TPRG1: variants seen among roughly 807,000 people sequenced by gnomAD.
The protein encoded by TPRG1 is tumor protein p63 regulated 1.
Under a neutral mutation model 29.3 loss-of-function variants are expected in TPRG1, and 29 were observed. The observed-to-expected ratio is 0.99, with a 90% CI of 0.74 to 1.35. The LOEUF is 1.35. Among genes scored for constraint, TPRG1 ranks in the 40% most tolerant of loss-of-function variants. The pLI is 0.00. For missense variants in TPRG1, 327 were observed against 335.0 expected (o/e 0.98, Z 0.19); for synonymous variants, 130 against 116.8 (o/e 1.11, Z -0.73).
At chr3:189,140,601 C>T (rs1033387563) in intron 3 of TPRG1, among the ~76,000 whole-genome samples, 10 of 152,188 alleles carry the variant, frequency 6.6e-5, no homozygotes, top group African/African-American at 2.4e-4. Flanking sequence ...GAAGGCCAGT[C>T]TCTTCTAAGG....
At chr3:189,226,022 C>T (rs1310181779) in intron 3 of TPRG1, among the ~76,000 whole-genome samples, 2 of 151,886 alleles carry the variant, frequency 1.3e-5, no homozygotes, top group Non-Finnish European at 2.9e-5. Context: ...ACTGATAGAA[C>T]AGAAATGAGA....
chr3:189,178,393 G>A (rs578254813), intron 1 of TPRG1, among the ~76,000 whole-genome samples: 2 of 152,270 alleles, frequency 1.3e-5, no homozygotes, highest in South Asian at 4.1e-4. Flanking sequence ...GCTAGGCATG[G>A]TGATGCGCAT....
chr3:189,322,762 A>G lies in TPRG1; in HGVS notation c.*1942A>G, dbSNP rs1426434538. On this transcript the variant is annotated 3_prime_UTR_variant, in exon 6 of 6. Transcript: ENST00000345063. Reference sequence around the variant, plus strand: ...GTAACCTAAGCCAGACTGTTCCCAAATGACCTTCTAAAGGACACAGTGCAC... The same window carrying G: ...GTAACCTAAGCCAGACTGTTCCCAAGTGACCTTCTAAAGGACACAGTGCAC... 1 of 152,214 alleles carries G rather than the reference A, an allele frequency of 6.6e-6. No individual in the cohort carries two copies. Among genetic ancestry groups the G allele is most frequent in the Non-Finnish European group, 1.5e-5 (1 of 68,012 alleles). The allele number at this position is 152,214 out of a possible 1,614,324, so 9.4% of individuals were successfully genotyped here.
At chr3:189,274,560 G>A (rs1208598600) in intron 4 of TPRG1, among the ~76,000 whole-genome samples, 2 of 152,054 alleles carry the variant, frequency 1.3e-5, no homozygotes, top group Non-Finnish European at 2.9e-5. Flanking sequence ...AGTAGTAATC[G>A]AGGGTAGGGC....
chr3:189,316,128 C>T (rs892562284), intron 5 of TPRG1, among the ~76,000 whole-genome samples: 2 of 152,066 alleles, frequency 1.3e-5, no homozygotes, highest in African/African-American at 4.8e-5. Flanking sequence ...CACATATGTG[C>T]ATATGTTCAG....
intron 1 of TPRG1, among the ~76,000 whole-genome samples, chr3:189,118,490 A>G (rs1251491080): frequency 6.6e-6 from 1 of 152,156 alleles, no homozygotes; most frequent in African/African-American, 2.4e-5. Context: ...ACAATGGGGG[A>G]AAATGTCTCC....
intron 1 of TPRG1, among the ~76,000 whole-genome samples, chr3:189,196,340 G>T (rs62292394): frequency 0.14 from 21,631 of 152,174 alleles, 2,039 homozygotes; most frequent in Non-Finnish European, 0.21. Flanking sequence ...CTTGACTTCG[G>T]TAATTATTTG....
chr3:189,312,914 G>A (rs1482059693), intron 5 of TPRG1, among the ~76,000 whole-genome samples: 2 of 152,144 alleles, frequency 1.3e-5, no homozygotes, highest in African/African-American at 4.8e-5. Flanking sequence ...CAGGTGGGAG[G>A]CACATGCACA....
At chr3:189,116,631 T>A (rs1721210195) in intron 1 of TPRG1, among the ~76,000 whole-genome samples, 2 of 152,212 alleles carry the variant, frequency 1.3e-5, no homozygotes, top group Non-Finnish European at 1.5e-5. Flanking sequence ...ATTCTGACAT[T>A]TGCTATGACT....
chr3:189,019,383 C>T (rs1166716758), intron 3 of TPRG1, among the ~76,000 whole-genome samples: 1 of 152,140 alleles, frequency 6.6e-6, no homozygotes, highest in Non-Finnish European at 1.5e-5. Context: ...GTAGATAGCT[C>T]TTATTATTTT....
chr3:189,253,209 C>A (rs116534458), intron 4 of TPRG1, among the ~76,000 whole-genome samples: 4 of 152,120 alleles, frequency 2.6e-5, no homozygotes, highest in Admixed American at 1.3e-4. Flanking sequence ...CCTCACCCCC[C>A]AACTGGCCCT....
chr3:189,240,338 C>G (rs1446800366), intron 4 of TPRG1: 5 of 152,026 alleles, frequency 3.3e-5, no homozygotes, highest in Admixed American at 3.3e-4. Context: ...TCAGCCTTCC[C>G]TCCATGGGTG....
At chr3:189,315,503 C>G (rs6773831) in intron 5 of TPRG1, 293,839 of 452,884 alleles carry the variant, frequency 0.65, 98,094 homozygotes, top group African/African-American at 0.9. Flanking sequence ...TATGCAGAGA[C>G]TACTGCTGGG....
chr3:189,025,565 G>A (rs1447501006), intron 4 of TPRG1, among the ~76,000 whole-genome samples: 1 of 152,190 alleles, frequency 6.6e-6, no homozygotes, highest in Admixed American at 6.5e-5. Context: ...GCTTGTGGAT[G>A]TATCTTCTCA....
intron 4 of TPRG1, among the ~76,000 whole-genome samples, chr3:189,254,587 A>T (rs1711513040): frequency 6.6e-6 from 1 of 152,216 alleles, no homozygotes; most frequent in African/African-American, 2.4e-5. Context: ...TGAGGATAGC[A>T]TTGAATCCAT....
intron 1 of TPRG1, among the ~76,000 whole-genome samples, chr3:189,104,601 C>G (rs979913440): frequency 3.3e-5 from 5 of 151,806 alleles, no homozygotes; most frequent in African/African-American, 1.2e-4. Context: ...CTATAAGAGA[C>G]TATATTTACT....
intron 4 of TPRG1, among the ~76,000 whole-genome samples, chr3:189,046,145 A>G (rs1026825945): frequency 1.3e-5 from 2 of 152,246 alleles, no homozygotes; most frequent in Non-Finnish European, 2.9e-5. Context: ...GGGGAAACCA[A>G]GGAAAAACCC....
chr3:189,309,169 C>A (rs1290966721), intron 4 of TPRG1, among the ~76,000 whole-genome samples: 3 of 150,796 alleles, frequency 2.0e-5, no homozygotes, highest in African/African-American at 7.3e-5. Flanking sequence ...TGATAACTGG[C>A]CAGCAGAATG....
chr3:189,073,574 T>A (rs1157709950), intron 4 of TPRG1, among the ~76,000 whole-genome samples: 1 of 152,186 alleles, frequency 6.6e-6, no homozygotes, highest in Non-Finnish European at 1.5e-5. Flanking sequence ...TTGTACTTGG[T>A]TTTAGTGTTT....
Sources: allele counts gnomAD v4.1 joint callset (sites outside exome capture counted in the v4.1 genomes callset), GRCh38; gene constraint gnomAD v4.1.1; transcripts MANE v1.5; gene names NCBI Gene and HGNC (gene_info 2026-07-23, HGNC 2026-07-21).